SP1: variants seen among roughly 807,000 people sequenced by gnomAD.
The protein encoded by SP1 is Sp1 transcription factor.
In SP1, 6 loss-of-function variants were observed where a neutral mutation model predicts 66.3. That is an observed-to-expected ratio of 0.09 (90% CI 0.05 to 0.18). The LOEUF (loss-of-function observed/expected upper bound fraction) is 0.18. SP1 is among the 10% of genes least tolerant of loss of function. SP1 has a pLI of 1.00. For missense variants in SP1, 848 were observed against 964.5 expected (o/e 0.88, Z 1.60); for synonymous variants, 417 against 360.8 (o/e 1.16, Z -1.77).
At chr12:53,394,406 T>G (rs12816963) in intron 3 of SP1, among the ~76,000 whole-genome samples, 132 of 141,848 alleles carry the variant, frequency 9.3e-4, no homozygotes, top group Non-Finnish European at 1.6e-3. Flanking sequence ...TTTTTAAAAG[T>G]ATCTTTTTTT....
At chr12:53,381,929 G>A in intron 2 of SP1, 116 bp downstream of exon 2, 1 of 1,265,726 alleles carries the variant, frequency 7.9e-7, no homozygotes, top group Non-Finnish European at 1.1e-6. Flanking sequence ...TTATAGATAA[G>A]GAAGTAAGAG....
Position 53,383,428 on chromosome 12 carries a change from A to C in SP1, c.1481A>C (p.Gln494Pro). The C allele has an allele frequency of 6.2e-7, 1 of 1,614,250 alleles. No individual in the cohort carries two copies. ...CCAATGCAGGGTGTTTCCTTGGGGCAGACCAGCAGCAGCAACACCACTCTC... is the reference window on the plus strand; with the variant it reads ...CCAATGCAGGGTGTTTCCTTGGGGCCGACCAGCAGCAGCAACACCACTCTC... ...LAPMQGVSLG[Q>P]TSSSNTTLTP... The change falls in exon 3 of 6, where the codon CAG becomes CCG. Residue 494 changes from glutamine (Q) to proline (P), a missense_variant. Transcript: ENST00000327443.
At chr12:53,405,571 A>G (rs535308762) in intron 3 of SP1, among the ~76,000 whole-genome samples, 5 of 152,142 alleles carry the variant, frequency 3.3e-5, no homozygotes, top group Admixed American at 6.6e-5. Flanking sequence ...TTGGGAGGCT[A>G]AGGCAGGAGA....
chr12:53,397,341 T>C (rs1331079850), intron 3 of SP1, among the ~76,000 whole-genome samples: 1 of 151,952 alleles, frequency 6.6e-6, no homozygotes, highest in African/African-American at 2.4e-5. Flanking sequence ...AGTACTGTTT[T>C]ACTTTTCTTA....
At chr12:53,384,595 G>A (rs557694695) in intron 3 of SP1, among the ~76,000 whole-genome samples, 20 of 152,214 alleles carry the variant, frequency 1.3e-4, no homozygotes, top group African/African-American at 4.8e-4. Context: ...CACATTTTCT[G>A]TTTTGTATGT....
At chr12:53,383,768 T>A (rs1384870199) in intron 3 of SP1, 146 bp downstream of exon 3, 1 of 703,356 alleles carries the variant, frequency 1.4e-6, no homozygotes, top group African/African-American at 1.8e-5. Context: ...GAAATAGAGA[T>A]TCTGTTTAAG....
chr12:53,407,938 CTT>C (rs1172953734), intron 4 of SP1, among the ~76,000 whole-genome samples: 3 of 131,524 alleles, frequency 2.3e-5, no homozygotes, highest in Non-Finnish European at 3.3e-5. Flanking sequence ...GGCGCCCGGC[CTT>C]TTTTTTTTTT....
intron 3 of SP1, among the ~76,000 whole-genome samples, chr12:53,388,513 T>C (rs1377122319): frequency 6.6e-6 from 1 of 152,170 alleles, no homozygotes; most frequent in Non-Finnish European, 1.5e-5. Context: ...GAGTTGAGAT[T>C]GTTTGCTTCA....
intron 3 of SP1, 21 bp downstream of exon 3, chr12:53,383,643 C>T (rs372625154): frequency 1.3e-5 from 20 of 1,572,548 alleles, no homozygotes; most frequent in South Asian, 8.0e-5. Flanking sequence ...CAATCTTGTG[C>T]ATTTATTGGG....
chr12:53,404,295 G>A (rs1255269757), intron 3 of SP1, among the ~76,000 whole-genome samples: 1 of 152,008 alleles, frequency 6.6e-6, no homozygotes, highest in Non-Finnish European at 1.5e-5. Flanking sequence ...ACTTTGGGAG[G>A]CCAAGGCGGG....
chr12:53,399,275 A>T (rs1466973162), intron 3 of SP1, among the ~76,000 whole-genome samples: 1 of 152,092 alleles, frequency 6.6e-6, no homozygotes, highest in African/African-American at 2.4e-5. Context: ...TAGCCTCCCG[A>T]GTAGCTGGGA....
intron 3 of SP1, among the ~76,000 whole-genome samples, chr12:53,391,325 C>CT (rs978015959): frequency 3.1e-4 from 37 of 118,006 alleles, no homozygotes; most frequent in Middle Eastern, 4.5e-3. Context: ...AGACTGAGAA[C>CT]TTTTTTTTTT....
At position 53,413,088 on chromosome 12, in the gene SP1, A is replaced by G. The variant is rs1418351908; in HGVS notation, c.*1848A>G. ...TGTATGTGTGGGTGAATGTGTGTTC[A>G]TGCCCGTATATGTCTACACACAGAT... On this transcript the variant is annotated 3_prime_UTR_variant, in exon 6 of 6. Coordinates refer to ENST00000327443, the MANE Select transcript of SP1 (RefSeq NM_138473.3). The G allele has an allele frequency of 3.3e-5, 5 of 152,610 alleles. No individual in the cohort carries two copies. In the East Asian group the frequency reaches 5.8e-4, roughly 18 times the overall value. The allele number at this position is 152,610 out of a possible 1,614,324, so 9.5% of individuals were successfully genotyped here.
At position 53,414,765 on chromosome 12, in the gene SP1, C is replaced by T. The variant is rs1049278903; in HGVS notation, c.*3525C>T. 4 of 152,546 alleles carry T rather than the reference C, an allele frequency of 2.6e-5. No homozygotes were observed. Among genetic ancestry groups the T allele is most frequent in the Admixed American group, 1.3e-4 (2 of 15,264 alleles). 9.4% of individuals were successfully genotyped at this position (152,546 alleles called of 1,614,324 possible). On this transcript the variant is annotated 3_prime_UTR_variant, in exon 6 of 6. Transcript: ENST00000327443. ...TGCTAGGACGCAATAAATTTATATA[C>T]TTTTTGAGGGGTTCTTCTGGGGTGC... is the stretch of plus-strand genomic sequence containing the variant.
intron 3 of SP1, among the ~76,000 whole-genome samples, chr12:53,398,823 C>T (rs1565813849): frequency 2.0e-5 from 3 of 152,012 alleles, no homozygotes; most frequent in Non-Finnish European, 4.4e-5. Context: ...TAAATAATAT[C>T]GATTAAAAAC....
rs1301994346 is a variant in SP1, at chr12:53,382,643, C to T, written c.696C>T (p.Leu232=). ...TCATTGCTGCTATGCCAAACCTACT[C>T]CAGCAGGCTGTCCCCCTCCAAGGCC... The part of the protein sequence containing the change: ...GNIIAAMPNL[L]QQAVPLQGLA... Residue 232 remains leucine, a synonymous_variant, in exon 3 of 6, where the codon CTC becomes CTT. Coordinates refer to ENST00000327443, the MANE Select transcript of SP1 (RefSeq NM_138473.3). 1.2e-6 allele frequency: 2 copies of T among 1,614,192 alleles called. No homozygotes were observed. The highest frequency in any genetic ancestry group is 1.7e-6 in the Non-Finnish European group (2 of 1,180,034).
chr12:53,400,847 C>T (rs1938594302), intron 3 of SP1, among the ~76,000 whole-genome samples: 4 of 150,932 alleles, frequency 2.7e-5, no homozygotes, highest in South Asian at 2.1e-4. Flanking sequence ...CTGCAAGCTC[C>T]GCCTCCCAGG....
chr12:53,408,958 C>CAG (rs2136919407), intron 4 of SP1, among the ~76,000 whole-genome samples: 1 of 151,950 alleles, frequency 6.6e-6, no homozygotes, highest in Non-Finnish European at 1.5e-5. Flanking sequence ...CAGTGGCTCA[C>CAG]GCCTGTAATC....
intron 3 of SP1, among the ~76,000 whole-genome samples, chr12:53,385,034 C>T (rs1347583856): frequency 1.3e-5 from 2 of 151,528 alleles, no homozygotes; most frequent in African/African-American, 2.4e-5. Context: ...GTGGCTCACG[C>T]CTGTAATCCC....
Sources: allele counts gnomAD v4.1 joint callset (sites outside exome capture counted in the v4.1 genomes callset), GRCh38; gene constraint gnomAD v4.1.1; transcripts MANE v1.5; gene names NCBI Gene and HGNC (gene_info 2026-07-23, HGNC 2026-07-21).